The following MUSK variants were observed in gnomAD, a reference collection of about 807,000 sequenced individuals.
The protein encoded by MUSK is muscle, skeletal receptor tyrosine-protein kinase.
In MUSK, 55 loss-of-function variants were observed where a neutral mutation model predicts 88.7. The ratio of observed to expected loss-of-function variants is 0.62; its 90% CI spans 0.50 to 0.78. The LOEUF is 0.78. Ranked by LOEUF, MUSK falls within the 30% of genes least tolerant of loss-of-function variation. The probability of loss-of-function intolerance (pLI) is 0.00; values close to 1 mark genes in which losing one functional copy is unlikely to be tolerated. For missense variants in MUSK, 1,015 were observed against 1,074.3 expected, an observed-to-expected ratio of 0.94 and a Z score of 0.77; for synonymous variants, 387 against 391.9, an observed-to-expected ratio of 0.99 and a Z score of 0.15.
intron 9 of MUSK, among the ~76,000 whole-genome samples, chr9:110,774,690 G>A (rs754357796): frequency 3.3e-5 from 5 of 151,990 alleles, no homozygotes; most frequent in South Asian, 2.1e-4. Flanking sequence ...TCTCCCTTAC[G>A]CACACCAAGA....
At chr9:110,706,275 A>G (rs1240104382) in intron 5 of MUSK, 25 of 322,892 alleles carry the variant, frequency 7.7e-5, no homozygotes, top group South Asian at 6.5e-4. Flanking sequence ...CACAGAAATG[A>G]AAGCATTATT....
intron 9 of MUSK, among the ~76,000 whole-genome samples, chr9:110,771,644 T>C (rs2077576931): frequency 6.6e-6 from 1 of 152,180 alleles, no homozygotes; most frequent in African/African-American, 2.4e-5. Context: ...TGTGAAGAAG[T>C]AGGTAGGGTC....
In MUSK at chr9:110,747,744, A is replaced by G. The variant is rs747154421; in HGVS notation, c.857A>G (p.Asn286Ser). 2.7e-5 allele frequency: 43 copies of G among 1,613,718 alleles called. No homozygotes were observed. The highest frequency in any genetic ancestry group is 3.4e-5 in the Non-Finnish European group (40 of 1,179,792). Residue 286 changes from asparagine to serine, a missense_variant, in exon 7 of 15, where the codon AAT (asparagine) becomes AGT (serine). Transcript: ENST00000374448. ...KPGLYTCIAT[N>S]KHGEKFSTAK... Reference sequence around the variant, plus strand: ...GGACTCTACACATGCATAGCTACCAATAAGCATGGGGAGAAGTTCAGTACT... The same window carrying G: ...GGACTCTACACATGCATAGCTACCAGTAAGCATGGGGAGAAGTTCAGTACT...
rs570491861 is a variant in MUSK, at chr9:110,802,726, C to T, written c.*1738C>T. On this transcript the variant is annotated 3_prime_UTR_variant, in exon 15 of 15. Coordinates refer to ENST00000374448, the MANE Select transcript of MUSK (RefSeq NM_005592.4). ...CAAGAGCCAATGACTCAACCTCTAC[C>T]GTTGCCCACCCTGTCTATTAGCTGG... Among the ~76,000 whole-genome samples the T allele has an allele frequency of 9.2e-5, 14 of 152,168 alleles. No individual in the cohort carries two copies. Among genetic ancestry groups the T allele is most frequent in the African/African-American group, 1.4e-4 (6 of 41,430 alleles).
At chr9:110,763,629 A>G (rs2077433150) in intron 8 of MUSK, among the ~76,000 whole-genome samples, 1 of 152,218 alleles carries the variant, frequency 6.6e-6, no homozygotes, top group South Asian at 2.1e-4. Flanking sequence ...TCAAGGAGAG[A>G]TAAGGCAGTT....
intron 5 of MUSK, among the ~76,000 whole-genome samples, chr9:110,728,079 C>G (rs566269215): frequency 4.5e-4 from 68 of 152,040 alleles, no homozygotes; most frequent in Admixed American, 3.9e-4. Context: ...ATCCTGTGGA[C>G]CTTACTTCCT....
At chr9:110,672,007 A>C (rs1183638990) in intron 1 of MUSK, among the ~76,000 whole-genome samples, 1 of 152,216 alleles carries the variant, frequency 6.6e-6, no homozygotes, top group Non-Finnish European at 1.5e-5. Context: ...GATAGGATTC[A>C]CAGATTTGAC....
chr9:110,733,066 A>G (rs1463273502), intron 5 of MUSK, among the ~76,000 whole-genome samples: 1 of 152,140 alleles, frequency 6.6e-6, no homozygotes, highest in Non-Finnish European at 1.5e-5. Context: ...ATATTCACAA[A>G]TTTCAATTTA....
chr9:110,755,979 C>CGTAT (rs111630775), intron 7 of MUSK, among the ~76,000 whole-genome samples: 5,307 of 102,404 alleles, frequency 0.052, 345 homozygotes, highest in African/African-American at 0.11. Context: ...TATATATATA[C>CGTAT]ATATATATAT....
chr9:110,787,750 A>G lies in MUSK; in HGVS notation c.1839A>G (p.Glu613=), dbSNP rs1402151104. ...TGGTGGCAGTAAAGATGCTCAAAGA[A>G]GAAGCCTCGGCAGATATGCAAGCGG... ...FTMVAVKMLK[E]EASADMQADF... is the part of the protein sequence containing the mutation. Residue 613 remains glutamate, a synonymous_variant, in exon 14 of 15, where the codon GAA becomes GAG. Coordinates refer to ENST00000374448, the MANE Select transcript of MUSK (RefSeq NM_005592.4). 1 of 1,613,970 alleles carries G rather than the reference A, an allele frequency of 6.2e-7. No homozygotes were observed. Among genetic ancestry groups the G allele is most frequent in the Non-Finnish European group, 8.5e-7 (1 of 1,179,870 alleles).
intron 1 of MUSK, among the ~76,000 whole-genome samples, chr9:110,670,308 C>T (rs766198774): frequency 1.3e-5 from 2 of 152,148 alleles, no homozygotes; most frequent in Non-Finnish European, 2.9e-5. Context: ...GATCAAACAA[C>T]GGATGTCCGG....
intron 7 of MUSK, among the ~76,000 whole-genome samples, chr9:110,755,202 C>A: frequency 6.6e-6 from 1 of 152,136 alleles, no homozygotes; most frequent in East Asian, 1.9e-4. Flanking sequence ...AGAAATTTCA[C>A]AAAGAAATCC....
At chr9:110,733,213 G>A (rs1022815600) in intron 5 of MUSK, among the ~76,000 whole-genome samples, 3 of 152,190 alleles carry the variant, frequency 2.0e-5, no homozygotes, top group East Asian at 3.9e-4. Context: ...AAAAGATTCC[G>A]TAATAGTTTA....
At chr9:110,723,666 A>G (rs997577148) in intron 5 of MUSK, among the ~76,000 whole-genome samples, 2 of 152,084 alleles carry the variant, frequency 1.3e-5, no homozygotes, top group Admixed American at 6.6e-5. Flanking sequence ...TCTGAAAAAT[A>G]CTCATCCCCA....
intron 5 of MUSK, among the ~76,000 whole-genome samples, chr9:110,712,991 G>A (rs1020817981): frequency 6.6e-6 from 1 of 152,144 alleles, no homozygotes; most frequent in Admixed American, 6.6e-5. Flanking sequence ...TCAGAGAGGT[G>A]AAGGCCAACA....
intron 5 of MUSK, among the ~76,000 whole-genome samples, chr9:110,717,920 G>A (rs1254400217): frequency 3.3e-5 from 5 of 152,104 alleles, no homozygotes; most frequent in Admixed American, 1.3e-4. Flanking sequence ...TCTCTGTAAC[G>A]AATTACACAG....
intron 3 of MUSK, among the ~76,000 whole-genome samples, chr9:110,690,162 A>ATATAAATATATAAATATATATTTAAG (rs1564219192): frequency 4.9e-5 from 5 of 101,788 alleles, no homozygotes; most frequent in Non-Finnish European, 6.7e-5. Context: ...AAGTATAAAT[A>ATATAAATATATAAATATATATTTAAG]TATAAATATA....
At chr9:110,688,070 G>C (rs2076221419) in intron 3 of MUSK, among the ~76,000 whole-genome samples, 1 of 152,088 alleles carries the variant, frequency 6.6e-6, no homozygotes, top group African/African-American at 2.4e-5. Context: ...CCAGCCCTCA[G>C]TGTTGCTTTT....
intron 8 of MUSK, among the ~76,000 whole-genome samples, chr9:110,763,768 C>CCATG (rs2131938391): frequency 6.6e-6 from 1 of 152,192 alleles, no homozygotes; most frequent in African/African-American, 2.4e-5. Context: ...CACAAACATG[C>CCATG]CATGGCTGGT....
Sources: allele counts gnomAD v4.1 joint callset (sites outside exome capture counted in the v4.1 genomes callset), GRCh38; gene constraint gnomAD v4.1.1; transcripts MANE v1.5; gene names NCBI Gene and HGNC (gene_info 2026-07-23, HGNC 2026-07-21).